NECTIN4: variants seen among roughly 807,000 people sequenced by gnomAD.
The protein encoded by NECTIN4 is nectin-4.
A neutral mutation model predicts 51.7 loss-of-function variants in NECTIN4; 19 were observed. The observed-to-expected ratio is 0.37, with a 90% CI of 0.26 to 0.54. NECTIN4 has a LOEUF of 0.54. NECTIN4 is among the 20% of genes least tolerant of loss of function. The pLI, the probability that NECTIN4 is intolerant of heterozygous loss-of-function variation, is 0.86. For missense variants in NECTIN4, 619 were observed against 662.4 expected, an observed-to-expected ratio of 0.93 and a Z score of 0.72; for synonymous variants, 283 against 286.9, an observed-to-expected ratio of 0.99 and a Z score of 0.14.
chr1:161,085,699 T>TA (rs1256209316), intron 1 of NECTIN4, among the ~76,000 whole-genome samples: 2 of 136,622 alleles, frequency 1.5e-5, no homozygotes, highest in Non-Finnish European at 3.1e-5. Context: ...CGCCTCCTCT[T>TA]TTTTTTTTTT....
rs1653470954 is a variant in NECTIN4 at position 161,077,552 on chromosome 1, C to T, written c.631G>A (p.Val211Met). 6.2e-7 allele frequency: 1 copy of T among 1,614,030 alleles called. No homozygotes were observed. Among genetic ancestry groups the T allele is most frequent in the East Asian group, 2.2e-5 (1 of 44,876 alleles). ...TGCCCATTCATGCTGCGGCTAGGCA[C>T]CAAGTGGAACTCTGAGGTGACGGCA... ...SAAVTSEFHL[V>M]PSRSMNGQPL... is the part of the protein sequence containing the mutation. Residue 211 changes from valine (V) to methionine (M), a missense_variant, in exon 3 of 9, where the codon GTG (valine) becomes ATG (methionine). Transcript: ENST00000368012.
Position 161,079,708 on chromosome 1 carries a change from G to A in NECTIN4, c.321C>T (p.Pro107=). ...TGCGCAGGAGCACTGAGCCGTCCAG[G>A]GGGTTGCGTGGGGGCGGCGGCTGCT... ...RVEQPPPPRN[P]LDGSVLLRNA... Residue 107 remains proline (P), a synonymous_variant, in exon 2 of 9, where the codon CCC becomes CCT. Transcript: ENST00000368012. The A allele has an allele frequency of 1.2e-6, 2 of 1,608,906 alleles. No individual in the cohort carries two copies. The highest frequency in any genetic ancestry group is 2.2e-5 in the East Asian group (1 of 44,874).
Position 161,079,612 on chromosome 1 carries a change from C to T in NECTIN4, c.417G>A (p.Ala139=). The stretch of plus-strand genomic sequence containing the variant: ...TACCCAGCACTCGGAGCCGCAGCCG[C>T]GCCTGGAAGCTGCCGGCGGGGAAGG... ...VSTFPAGSFQ[A]RLRLRVLVPP... is the part of the protein sequence containing the mutation. Residue 139 remains alanine, a synonymous_variant, in exon 2 of 9, where the codon GCG becomes GCA. Coordinates refer to ENST00000368012, the MANE Select transcript of NECTIN4 (RefSeq NM_030916.3). The T allele has an allele frequency of 6.2e-7, 1 of 1,604,908 alleles. No homozygotes were observed. The highest frequency in any genetic ancestry group is 2.2e-5 in the East Asian group (1 of 44,854).
chr1:161,085,977 G>A (rs181151542), intron 1 of NECTIN4, among the ~76,000 whole-genome samples: 94 of 152,194 alleles, frequency 6.2e-4, no homozygotes, highest in African/African-American at 2.1e-3. Context: ...GAGCCACCAC[G>A]CCTGGCCCCC....
chr1:161,089,166 G>T lies in NECTIN4; in HGVS notation c.79+52C>A. 1 of 1,529,352 alleles carries T rather than the reference G, an allele frequency of 6.5e-7. No homozygotes were observed. The highest frequency in any genetic ancestry group is 9.1e-7 in the Non-Finnish European group (1 of 1,104,530). 94.7% of individuals were successfully genotyped at this position (1,529,352 alleles called of 1,614,324 possible). ...TCTATGTGTTTGTGCATGTGTGTCAGTGCCAGGTTGGGCTCAGAAGCAAGT... is the reference window on the plus strand; with the variant it reads ...TCTATGTGTTTGTGCATGTGTGTCATTGCCAGGTTGGGCTCAGAAGCAAGT... On this transcript the variant is annotated intron_variant, in intron 1 of 8. Transcript: ENST00000368012. This position sits in a 1 kb window ranked among gnomAD's most constrained non-coding sequence, Gnocchi z 4.1.
chr1:161,074,694 G>T lies in NECTIN4; in HGVS notation c.917C>A (p.Thr306Asn), dbSNP rs752831129. 2 of 1,614,236 alleles carry T rather than the reference G, an allele frequency of 1.2e-6. No homozygotes were observed. Among genetic ancestry groups the T allele is most frequent in the East Asian group, 4.5e-5 (2 of 44,888 alleles). The change falls in exon 5 of 9, where the codon ACC (threonine) becomes AAC (asparagine). Residue 306 changes from threonine (T) to asparagine (N), a missense_variant. Thr to Asn is a moderately conservative substitution (Grantham distance 65). Around this residue, in one of 3 missense-constraint regions of NECTIN4, gnomAD observed 364 missense variants for 415.7 expected, o/e 0.88. Coordinates refer to ENST00000368012, the MANE Select transcript of NECTIN4 (RefSeq NM_030916.3). ...GACGTAGATGCCGCTGTGCTCAGTG[G>T]TCAGTGGGGGAAAGCCCAAAGTGTC... ...DGDTLGFPPL[T>N]TEHSGIYVCH...
chr1:161,074,347 C>A lies in NECTIN4; in HGVS notation c.1027G>T (p.Val343Leu). The change falls in exon 6 of 9, where the codon GTG (valine) becomes TTG (leucine). Residue 343 changes from valine (V) to leucine (L), a missense_variant. Physicochemically the swap from Val to Leu is conservative, Grantham distance 32 (BLOSUM62 1). Transcript: ENST00000368012. ...LDPQEDSGKQ[V>L]DLVSASVVVV... ...ACCACCGAGGCTGACACTAGGTCCA[C>A]CTGCTTCCCAGAGTCTTCCTGGGGG... The A allele has an allele frequency of 2.5e-6, 4 of 1,613,920 alleles. No individual in the cohort carries two copies. Among genetic ancestry groups the A allele is most frequent in the Non-Finnish European group, 3.4e-6 (4 of 1,180,006 alleles).
rs1571148984 is a variant in NECTIN4, at chr1:161,077,529, C to A, written c.654G>T (p.Gly218=). ...FHLVPSRSMN[G]QPLTCVVSHP... ...GGGACACCACACAAGTCAGTGGCTGCCCATTCATGCTGCGGCTAGGCACCA... is the reference window on the plus strand; with the variant it reads ...GGGACACCACACAAGTCAGTGGCTGACCATTCATGCTGCGGCTAGGCACCA... Residue 218 remains glycine (G), a synonymous_variant, in exon 3 of 9, where the codon GGG becomes GGT. Coordinates refer to ENST00000368012, the MANE Select transcript of NECTIN4 (RefSeq NM_030916.3). 6.2e-7 allele frequency: 1 copy of A among 1,614,040 alleles called. No individual in the cohort carries two copies. The highest frequency in any genetic ancestry group is 8.5e-7 in the Non-Finnish European group (1 of 1,180,030).
chr1:161,078,856 A>C (rs1383685329), intron 2 of NECTIN4, among the ~76,000 whole-genome samples: 3 of 151,874 alleles, frequency 2.0e-5, no homozygotes, highest in African/African-American at 7.3e-5. Flanking sequence ...CTAAAAATAC[A>C]CAAAAATTAA....
At position 161,089,125 on chromosome 1, in the gene NECTIN4, TGTGC is replaced by T. The variant is rs1258310613; in HGVS notation, c.79+89_79+92del. ...AGAGTCAAAGAAAGGAGGATATGTGTGTGCGTGCGTGTGTGTCTATGTGTTTGTG... is the reference window on the plus strand; with the variant it reads ...AGAGTCAAAGAAAGGAGGATATGTGTGTGCGTGTGTGTCTATGTGTTTGTG... On this transcript the variant is annotated intron_variant, in intron 1 of 8. Transcript: ENST00000368012. This position sits in a 1 kb window ranked among gnomAD's most constrained non-coding sequence, Gnocchi z 4.1. 3 of 1,074,140 alleles carry T rather than the reference TGTGC, an allele frequency of 2.8e-6. No homozygotes were observed. The highest frequency in any genetic ancestry group is 4.3e-6 in the Non-Finnish European group (3 of 693,226). The allele number at this position is 1,074,140 out of a possible 1,614,324, so 66.5% of individuals were successfully genotyped here.
intron 1 of NECTIN4, chr1:161,087,364 C>T (rs1653994951): frequency 1.3e-5 from 2 of 152,074 alleles, no homozygotes; most frequent in African/African-American, 2.4e-5. Context: ...CCCTTACTGC[C>T]AGGCATTGCA....
At chr1:161,073,097 T>G in intron 8 of NECTIN4, 128 bp downstream of exon 8, 2 of 706,494 alleles carry the variant, frequency 2.8e-6, no homozygotes, top group Non-Finnish European at 4.8e-6. Context: ...AGAGATGCGG[T>G]GCTGGGCTGC....
intron 1 of NECTIN4, among the ~76,000 whole-genome samples, chr1:161,088,166 G>A (rs752934424): frequency 7.2e-5 from 11 of 152,112 alleles, no homozygotes; most frequent in Non-Finnish European, 1.5e-4. Context: ...CACACATCTA[G>A]GCCTTATTTC....
At chr1:161,082,232 G>T (rs866036386) in intron 1 of NECTIN4, among the ~76,000 whole-genome samples, 1 of 152,160 alleles carries the variant, frequency 6.6e-6, no homozygotes, top group Admixed American at 6.5e-5. Flanking sequence ...GGGAGGCTGA[G>T]GTAGGAGAAC....
At chr1:161,088,676 G>A (rs2101684290) in intron 1 of NECTIN4, among the ~76,000 whole-genome samples, 1 of 152,220 alleles carries the variant, frequency 6.6e-6, no homozygotes, top group South Asian at 2.1e-4. Context: ...TCCCCAACAG[G>A]TGCCCCAGTC....
chr1:161,082,437 C>A (rs1181813211), intron 1 of NECTIN4, among the ~76,000 whole-genome samples: 1 of 151,996 alleles, frequency 6.6e-6, no homozygotes, highest in East Asian at 1.9e-4. Context: ...TAATTGGGTT[C>A]ACTGCCAAAG....
Position 161,079,732 on chromosome 1 carries a change from C to T in NECTIN4, c.297G>A (p.Glu99=). 3 of 1,610,076 alleles carry T rather than the reference C, an allele frequency of 1.9e-6. No individual in the cohort carries two copies. Among genetic ancestry groups the T allele is most frequent in the East Asian group, 2.2e-5 (1 of 44,880 alleles). The change falls in exon 2 of 9, where the codon GAG becomes GAA. Residue 99 remains glutamate (E), a synonymous_variant. Transcript: ENST00000368012. ...GGGGGTTGCGTGGGGGCGGCGGCTG[C>T]TCCACGCGGCCCTCGTAAGCCGGGC... ...HVSPAYEGRV[E]QPPPPRNPLD...
intron 4 of NECTIN4, among the ~76,000 whole-genome samples, chr1:161,075,569 G>C (rs1388489155): frequency 2.6e-5 from 4 of 152,134 alleles, no homozygotes; most frequent in East Asian, 1.9e-4. Flanking sequence ...TCAGCAGTTC[G>C]AGACCAGCGT....
In NECTIN4 at chr1:161,085,965, G is replaced by A. The variant is rs1232612655; in HGVS notation, c.79+3253C>T. ...CTCCCAAAGTGCTGGGATTATAGGC[G>A]TGAGCCACCACGCCTGGCCCCCTCC... On this transcript the variant is annotated intron_variant, in intron 1 of 8. Coordinates refer to ENST00000368012, the MANE Select transcript of NECTIN4 (RefSeq NM_030916.3). Among the ~76,000 whole-genome samples, 11 of 152,260 alleles carry A rather than the reference G, an allele frequency of 7.2e-5. No homozygotes were observed. In the South Asian group the frequency reaches 8.3e-4, roughly 11 times the overall value.
Sources: gnomAD v4.1 joint callset for allele counts (sites outside exome capture counted in the v4.1 genomes callset) on GRCh38, gnomAD v4.1.1 for gene constraint, gnomAD v4.1.1 regional missense constraint, Gnocchi (gnomAD v3.1) non-coding constraint, MANE v1.5 for transcripts, NCBI Gene and HGNC (gene_info 2026-07-23, HGNC 2026-07-21) for gene names.